The following EPHA7 variants were observed in gnomAD, a reference collection of about 807,000 sequenced individuals.
EPHA7 encodes ephrin type-A receptor 7.
A neutral mutation model predicts 112.6 loss-of-function variants in EPHA7; 25 were observed. The observed-to-expected ratio is 0.22, with a 90% CI of 0.16 to 0.31. The LOEUF (loss-of-function observed/expected upper bound fraction) is 0.31. EPHA7 is among the 10% of genes least tolerant of loss of function. The probability of loss-of-function intolerance (pLI) is 1.00; values close to 1 mark genes in which losing one functional copy is unlikely to be tolerated. For synonymous variants in EPHA7, 437 were observed against 406.5 expected, an observed-to-expected ratio of 1.07 and a Z score of -0.90; for missense variants, 962 against 1,212.6, an observed-to-expected ratio of 0.79 and a Z score of 3.07.
At chr6:93,367,827 A>C (rs2127956755) in intron 3 of EPHA7, among the ~76,000 whole-genome samples, 1 of 152,274 alleles carries the variant, frequency 6.6e-6, no homozygotes, top group East Asian at 1.9e-4. Flanking sequence ...CTAAGCACTC[A>C]ATAATTAGTT....
intron 7 of EPHA7, among the ~76,000 whole-genome samples, chr6:93,268,652 G>A (rs1015792900): frequency 6.6e-6 from 1 of 151,640 alleles, no homozygotes; most frequent in Non-Finnish European, 1.5e-5. Context: ...CATCAGCTCT[G>A]TGGAGGAGCA....
At chr6:93,275,036 T>TA (rs1347943160) in intron 5 of EPHA7, among the ~76,000 whole-genome samples, 6 of 151,874 alleles carry the variant, frequency 4.0e-5, no homozygotes, top group Non-Finnish European at 7.4e-5. Flanking sequence ...ACAATCTCAC[T>TA]AAAAATGTGC....
At chr6:93,398,643 A>G (rs1326365122) in intron 3 of EPHA7, among the ~76,000 whole-genome samples, 4 of 152,034 alleles carry the variant, frequency 2.6e-5, no homozygotes, top group African/African-American at 9.7e-5. Flanking sequence ...ACACTTTATT[A>G]TAATGAAGGA....
chr6:93,374,348 T>C (rs532251702), intron 3 of EPHA7, among the ~76,000 whole-genome samples: 1 of 152,286 alleles, frequency 6.6e-6, no homozygotes, highest in Non-Finnish European at 1.5e-5. Flanking sequence ...AAATACTCTA[T>C]GTTTCTATCT....
In EPHA7 at chr6:93,242,155, A is replaced by C. The variant is rs987508133; in HGVS notation, c.*1271T>G. On this transcript the variant is annotated 3_prime_UTR_variant, in exon 17 of 17. Transcript: ENST00000369303. ...ATCAAATAATATGGTTTAATAAATA[A>C]AGCTTTAAAAACAAGCCAGATCCTT... 5.1e-6 allele frequency: 1 copy of C among 194,258 alleles called. No individual in the cohort carries two copies. Among genetic ancestry groups the C allele is most frequent in the Non-Finnish European group, 1.1e-5 (1 of 93,016 alleles). The allele number at this position is 194,258 out of a possible 1,614,324, so 12.0% of individuals were successfully genotyped here.
At chr6:93,384,053 T>C (rs1777481000) in intron 3 of EPHA7, among the ~76,000 whole-genome samples, 3 of 152,144 alleles carry the variant, frequency 2.0e-5, no homozygotes, top group African/African-American at 7.2e-5. Flanking sequence ...AAAATCAGTA[T>C]CAGGAAAGTA....
chr6:93,263,735 C>T, intron 9 of EPHA7, 125 bp downstream of exon 9: 1 of 587,012 alleles, frequency 1.7e-6, no homozygotes, highest in East Asian at 2.9e-5. Flanking sequence ...TGCTTTAAAG[C>T]AACATTTTGA....
chr6:93,255,211 G>A (rs1770383705), intron 13 of EPHA7, among the ~76,000 whole-genome samples: 1 of 152,004 alleles, frequency 6.6e-6, no homozygotes, highest in South Asian at 2.1e-4. Flanking sequence ...ATCCGTGCGT[G>A]GTGGTGGGCG....
intron 5 of EPHA7, among the ~76,000 whole-genome samples, chr6:93,300,802 T>C (rs930783358): frequency 6.6e-6 from 1 of 152,320 alleles, no homozygotes; most frequent in Non-Finnish European, 1.5e-5. Context: ...TCCTTAACGA[T>C]GGGAATACAT....
At chr6:93,354,829 C>G (rs896227354) in intron 5 of EPHA7, among the ~76,000 whole-genome samples, 1 of 152,120 alleles carries the variant, frequency 6.6e-6, no homozygotes, top group Non-Finnish European at 1.5e-5. Flanking sequence ...GAAAAGACAT[C>G]CCCAAAGTGG....
In EPHA7 at chr6:93,401,864, A is replaced by G. The variant is rs895929038; in HGVS notation, c.832+8637T>C. ...GCTGTGTCAAAATTCTCCCATGAAA[A>G]TATTATTTCTATAAAATAACTAATG... On this transcript the variant is annotated intron_variant, in intron 3 of 16. Coordinates refer to ENST00000369303, the MANE Select transcript of EPHA7 (RefSeq NM_004440.4). Among the ~76,000 whole-genome samples the G allele has an allele frequency of 2.0e-5, 3 of 152,006 alleles. 1 individual carries two copies. Among genetic ancestry groups the G allele is most frequent in the Non-Finnish European group, 4.4e-5 (3 of 67,900 alleles).
intron 3 of EPHA7, among the ~76,000 whole-genome samples, chr6:93,398,966 T>C (rs1582668318): frequency 6.6e-6 from 1 of 152,232 alleles, no homozygotes; most frequent in East Asian, 1.9e-4. Flanking sequence ...TTTTCCCAGT[T>C]CCAGCTCACA....
intron 5 of EPHA7, among the ~76,000 whole-genome samples, chr6:93,319,262 A>C (rs2127880600): frequency 1.3e-5 from 2 of 152,188 alleles, no homozygotes; most frequent in Middle Eastern, 3.4e-3. Context: ...TATATTAAGT[A>C]AGGTTGTTTG....
At chr6:93,293,082 G>T (rs1772466544) in intron 5 of EPHA7, among the ~76,000 whole-genome samples, 1 of 151,744 alleles carries the variant, frequency 6.6e-6, no homozygotes, top group Non-Finnish European at 1.5e-5. Flanking sequence ...TTAAGTTAAA[G>T]ATTTTTTAAA....
intron 5 of EPHA7, 39 bp downstream of exon 5, chr6:93,356,678 C>A (rs779397394): frequency 2.6e-6 from 4 of 1,541,694 alleles, no homozygotes; most frequent in East Asian, 4.5e-5. Context: ...CTTAGGTAGT[C>A]ACATTATTTC....
At chr6:93,404,749 T>C (rs1329131126) in intron 3 of EPHA7, among the ~76,000 whole-genome samples, 1 of 151,576 alleles carries the variant, frequency 6.6e-6, no homozygotes, top group Non-Finnish European at 1.5e-5. Flanking sequence ...TAGACTAAAT[T>C]AGTAACACCT....
intron 1 of EPHA7, among the ~76,000 whole-genome samples, chr6:93,418,850 C>G (rs923159347): frequency 1.2e-4 from 18 of 152,280 alleles, no homozygotes; most frequent in African/African-American, 3.9e-4. Flanking sequence ...CAACTCTGGC[C>G]GCAGCTCCCA....
intron 5 of EPHA7, among the ~76,000 whole-genome samples, chr6:93,352,067 G>A (rs1453124354): frequency 1.3e-5 from 2 of 152,048 alleles, no homozygotes; most frequent in South Asian, 2.1e-4. Context: ...AATTTTTCTG[G>A]TTTTCCCATT....
In EPHA7 at chr6:93,264,669, A is replaced by G; in HGVS notation, c.1667T>C (p.Ile556Thr). The change falls in exon 8 of 17, where the codon ATT becomes ACT. Residue 556 changes from isoleucine (I) to threonine (T), a missense_variant. Coordinates refer to ENST00000369303, the MANE Select transcript of EPHA7 (RefSeq NM_004440.4). ...TAVSSEQNPV[I>T]IIAVVAVAGT... ...AGCTACAGCAACCACAGCAATGATA[A>G]TAACAGGATTCTGTTCACTGGAGAC... The G allele has an allele frequency of 2.5e-6, 4 of 1,606,834 alleles. No individual in the cohort carries two copies. Among genetic ancestry groups the G allele is most frequent in the Non-Finnish European group, 2.6e-6 (3 of 1,175,456 alleles).
Sources: gnomAD v4.1 joint callset for allele counts (sites outside exome capture counted in the v4.1 genomes callset) on GRCh38, gnomAD v4.1.1 for gene constraint, MANE v1.5 for transcripts, NCBI Gene and HGNC (gene_info 2026-07-23, HGNC 2026-07-21) for gene names.